SGSM2: variants seen among roughly 807,000 people sequenced by gnomAD.
SGSM2 encodes the protein RUN and TBC1 domain containing 1.
SGSM2 carries 89 observed loss-of-function variants against 126.6 expected under a neutral mutation model. The ratio of observed to expected loss-of-function variants is 0.70; its 90% CI spans 0.59 to 0.84. SGSM2 has a LOEUF of 0.84. Ranked by LOEUF, SGSM2 falls within the 40% of genes least tolerant of loss-of-function variation. The probability of loss-of-function intolerance (pLI) is 0.00; values close to 1 mark genes in which losing one functional copy is unlikely to be tolerated. For synonymous variants in SGSM2, 614 were observed against 574.3 expected (o/e 1.07, Z -0.99); for missense variants, 1,404 against 1,416.6 (o/e 0.99, Z 0.14).
In SGSM2 at chr17:2,380,665, T is replaced by C. The variant is rs893914214; in HGVS notation, c.*1145T>C. The C allele has an allele frequency of 2.3e-5, 8 of 351,862 alleles. No individual in the cohort carries two copies. The highest frequency in any genetic ancestry group is 1.5e-4 in the African/African-American group (7 of 47,280). 21.8% of individuals were successfully genotyped at this position (351,862 alleles called of 1,614,324 possible). A position where few individuals can be genotyped will look rare whatever the true frequency, so the allele number is the denominator to read the frequency against. Reference sequence around the variant, plus strand: ...ATGCTGCTTGCTCGGCCATCCCCACTTCCTCCTCTACCCCAACACATGCAG... The same window carrying C: ...ATGCTGCTTGCTCGGCCATCCCCACCTCCTCCTCTACCCCAACACATGCAG... On this transcript the variant is annotated 3_prime_UTR_variant, in exon 24 of 24. Coordinates refer to ENST00000268989, the MANE Select transcript of SGSM2 (RefSeq NM_014853.3).
chr17:2,371,409 C>T lies in SGSM2; in HGVS notation c.1571C>T (p.Pro524Leu). ...HATPSHCSCI[P>L]DRLPLRLLCE... ...ACCCCCAGCCACTGTAGCTGCATCC[C>T]CGACCGGTGAGTGGGCAGCGCTCGG... Residue 524 changes from proline (P) to leucine (L), a missense_variant, in exon 13 of 24, where the codon CCC becomes CTC. Coordinates refer to ENST00000268989, the MANE Select transcript of SGSM2 (RefSeq NM_014853.3). 6.3e-7 allele frequency: 1 copy of T among 1,598,138 alleles called. No homozygotes were observed. Among genetic ancestry groups the T allele is most frequent in the East Asian group, 2.3e-5 (1 of 44,396 alleles).
rs376349204 is a variant in SGSM2, at chr17:2,363,631, G to A, written c.807+32G>A. ...AAGCTTCATCCTGCCATCCCTCCCC[G>A]AAGGTCCCCGAACGAGACGACTGGA... On this transcript the variant is annotated intron_variant, in intron 7 of 23. Coordinates refer to ENST00000268989, the MANE Select transcript of SGSM2 (RefSeq NM_014853.3). The surrounding 1 kb of genome is among the most constrained non-coding windows in gnomAD (Gnocchi z 4.2). The A allele has an allele frequency of 1.1e-5, 17 of 1,607,320 alleles. No homozygotes were observed. Among genetic ancestry groups the A allele is most frequent in the South Asian group, 1.1e-5 (1 of 90,784 alleles).
rs2064472995 is a variant in SGSM2 at position 2,343,691 on chromosome 17, G to T, written c.133+71G>T. ...GGACACTGGCCTGGGGCCAGGAAAAGATGAGTCCTCAGGTGCAGTAGCTCT... is the reference window on the plus strand; with the variant it reads ...GGACACTGGCCTGGGGCCAGGAAAATATGAGTCCTCAGGTGCAGTAGCTCT... On this transcript the variant is annotated intron_variant, in intron 2 of 23. Transcript: ENST00000268989. The T allele has an allele frequency of 1.5e-5, 20 of 1,378,498 alleles. No homozygotes were observed. In the South Asian group the frequency reaches 2.2e-4, roughly 15 times the overall value. 85.4% of individuals were successfully genotyped at this position (1,378,498 alleles called of 1,614,324 possible). A position where few individuals can be genotyped will look rare whatever the true frequency, so the allele number is the denominator to read the frequency against.
chr17:2,379,274 C>G (rs776622428), intron 23 of SGSM2, 71 bp downstream of exon 23: 1 of 1,581,854 alleles, frequency 6.3e-7, no homozygotes, highest in Admixed American at 1.7e-5. Context: ...GCCCCGCACA[C>G]AGCTGGAGGG....
In SGSM2 at chr17:2,367,118, C is replaced by A; in HGVS notation, c.1289-153C>A. On this transcript the variant is annotated intron_variant, in intron 11 of 23. Coordinates refer to ENST00000268989, the MANE Select transcript of SGSM2 (RefSeq NM_014853.3). This position sits in a 1 kb window ranked among gnomAD's most constrained non-coding sequence, Gnocchi z 4.0. ...TCCACACTCTCCCAGGAAAATCATC[C>A]AAAGAGCTTTCTGGTCCCCTCCCTT... 1.1e-6 allele frequency: 1 copy of A among 876,272 alleles called. No individual in the cohort carries two copies. Among genetic ancestry groups the A allele is most frequent in the Non-Finnish European group, 1.7e-6 (1 of 593,722 alleles). 54.3% of individuals were successfully genotyped at this position (876,272 alleles called of 1,614,324 possible).
chr17:2,361,051 C>G (rs946937380), intron 2 of SGSM2, among the ~76,000 whole-genome samples: 3 of 152,194 alleles, frequency 2.0e-5, no homozygotes, highest in African/African-American at 7.2e-5. Flanking sequence ...CAGGGTCTGT[C>G]TGTGGAAAGT....
intron 2 of SGSM2, among the ~76,000 whole-genome samples, chr17:2,349,980 G>A (rs543237854): frequency 2.6e-5 from 4 of 152,016 alleles, no homozygotes; most frequent in South Asian, 4.2e-4. Context: ...GTAGACATGG[G>A]GTTTCACCGT....
At chr17:2,361,520 G>C in intron 2 of SGSM2, 117 bp from the exon 3 acceptor site, 1 of 1,297,684 alleles carries the variant, frequency 7.7e-7, no homozygotes, top group Non-Finnish European at 1.1e-6. Context: ...GTATCTCCCT[G>C]GCCTGCCCTT....
At chr17:2,358,615 G>A (rs977442285) in intron 2 of SGSM2, among the ~76,000 whole-genome samples, 8 of 152,172 alleles carry the variant, frequency 5.3e-5, no homozygotes, top group African/African-American at 1.9e-4. Context: ...GAGAGGCTGA[G>A]GTGGGAGGAT....
In SGSM2 at chr17:2,343,533, A is replaced by G. The variant is rs541879509; in HGVS notation, c.58-12A>G. On this transcript the variant is annotated splice_polypyrimidine_tract_variant and intron_variant, in intron 1 of 23. Coordinates refer to ENST00000268989, the MANE Select transcript of SGSM2 (RefSeq NM_014853.3). ...AATAATAAAAGCAGTGATGCTGTCC[A>G]TGTGTCCGCAGGTGAAGCAAATCAT... is the stretch of plus-strand genomic sequence containing the variant. 7 of 1,613,898 alleles carry G rather than the reference A, an allele frequency of 4.3e-6. No homozygotes were observed. Among genetic ancestry groups the G allele is most frequent in the Non-Finnish European group, 5.9e-6 (7 of 1,179,760 alleles).
intron 22 of SGSM2, among the ~76,000 whole-genome samples, 176 bp from the exon 23 acceptor site, chr17:2,378,860 C>T (rs917423225): frequency 2.0e-5 from 3 of 152,180 alleles, no homozygotes; most frequent in African/African-American, 7.2e-5. Flanking sequence ...AGCTCTGATC[C>T]CTCACCTGGC....
At position 2,372,895 on chromosome 17, in the gene SGSM2, C is replaced by G. The variant is rs893096133; in HGVS notation, c.1789-58C>G. On this transcript the variant is annotated intron_variant, in intron 15 of 23. Coordinates refer to ENST00000268989, the MANE Select transcript of SGSM2 (RefSeq NM_014853.3). The surrounding 1 kb of genome is among the most constrained non-coding windows in gnomAD (Gnocchi z 6.0). Reference sequence around the variant, plus strand: ...CCATTCTCCGTGGGATGGGGCTCACCCAGCTGGGCCACGGTGACTGTGGAG... The same window carrying G: ...CCATTCTCCGTGGGATGGGGCTCACGCAGCTGGGCCACGGTGACTGTGGAG... The G allele has an allele frequency of 1.3e-6, 2 of 1,537,984 alleles. No individual in the cohort carries two copies. The highest frequency in any genetic ancestry group is 3.4e-4 in the Middle Eastern group (2 of 5,928).
intron 22 of SGSM2, among the ~76,000 whole-genome samples, chr17:2,378,410 T>C (rs1057280196): frequency 6.6e-6 from 1 of 151,880 alleles, no homozygotes; most frequent in Non-Finnish European, 1.5e-5. Flanking sequence ...ACTCCGTCTC[T>C]ACTAAAAATA....
In SGSM2 at chr17:2,371,248, C is replaced by G. The variant is rs748163028; in HGVS notation, c.1424-14C>G. ...TGTCTCAGGCCCTGACCATGCCACC[C>G]TTCCTGCCCGCAGACGCTGGTGACA... On this transcript the variant is annotated splice_polypyrimidine_tract_variant and intron_variant, in intron 12 of 23. Transcript: ENST00000268989. 3 of 1,607,998 alleles carry G rather than the reference C, an allele frequency of 1.9e-6. No individual in the cohort carries two copies. In the South Asian group the frequency reaches 3.3e-5, roughly 18 times the overall value.
chr17:2,377,997 A>G (rs761804283), intron 22 of SGSM2, 44 bp downstream of exon 22: 3 of 1,228,246 alleles, frequency 2.4e-6, no homozygotes, highest in Non-Finnish European at 3.6e-6. Flanking sequence ...AGGGACAGTG[A>G]GAGATCCCTC....
Position 2,375,606 on chromosome 17 carries a change from C to G in SGSM2, c.2215C>G (p.Gln739Glu). 9 of 1,613,988 alleles carry G rather than the reference C, an allele frequency of 5.6e-6. No individual in the cohort carries two copies. Among genetic ancestry groups the G allele is most frequent in the Non-Finnish European group, 6.8e-6 (8 of 1,180,026 alleles). ...PGTPGTAVVE[Q>E]QHSVEFDSPD... ...GACTCCGGGCACCGCCGTGGTGGAG[C>G]AGCAGCATTCCGTGGAGTTCGACTC... Residue 739 changes from glutamine (Q) to glutamate (E), a missense_variant, in exon 18 of 24, where the codon CAG becomes GAG. Transcript: ENST00000268989.
chr17:2,361,972 G>C, intron 3 of SGSM2, 137 bp from the exon 4 acceptor site: 2 of 1,327,296 alleles, frequency 1.5e-6, no homozygotes, highest in South Asian at 1.4e-5. Flanking sequence ...ACAAGGCTCT[G>C]TACCCCTCCT....
chr17:2,364,753 G>C, intron 9 of SGSM2, 90 bp downstream of exon 9: 16 of 1,562,902 alleles, frequency 1.0e-5, no homozygotes, highest in Non-Finnish European at 1.4e-5. Context: ...AAGACTCCTC[G>C]TCCTCCTCCC....
chr17:2,379,646 G>T lies in SGSM2; in HGVS notation c.*126G>T. On this transcript the variant is annotated 3_prime_UTR_variant, in exon 24 of 24. Transcript: ENST00000268989. ...CCTCTGTTCCTAACAAAGCGGTTGT[G>T]AGCCTGGATCCGACTCCCGGCAGTG... 6.8e-7 allele frequency: 1 copy of T among 1,472,986 alleles called. No homozygotes were observed. 91.2% of individuals were successfully genotyped at this position (1,472,986 alleles called of 1,614,324 possible). A position where few individuals can be genotyped will look rare whatever the true frequency, so the allele number is the denominator to read the frequency against.
Sources: gnomAD v4.1 joint callset for allele counts (sites outside exome capture counted in the v4.1 genomes callset) on GRCh38, gnomAD v4.1.1 for gene constraint, Gnocchi (gnomAD v3.1) non-coding constraint, MANE v1.5 for transcripts, NCBI Gene and HGNC (gene_info 2026-07-23, HGNC 2026-07-21) for gene names.